The following LRRC9 variants were observed in gnomAD, a reference collection of about 807,000 sequenced individuals.
The protein encoded by LRRC9 is leucine rich repeat containing 9, also known as leucine-rich repeat-containing protein 9.
In LRRC9, 122 loss-of-function variants were observed where a neutral mutation model predicts 63.2. That is an observed-to-expected ratio of 1.93 (90% CI 1.67 to 2.24). LRRC9 has a LOEUF of 2.24. Ranked by LOEUF, LRRC9 falls within the 30% of genes most tolerant of loss-of-function variation. The pLI, the probability that LRRC9 is intolerant of heterozygous loss-of-function variation, is 0.00. For synonymous variants in LRRC9, 366 were observed against 213.1 expected (o/e 1.72, Z -6.25); for missense variants, 1,071 against 627.7 (o/e 1.71, Z -7.55).
At chr14:60,054,778 T>C in intron 30 of LRRC9, among the ~76,000 whole-genome samples, 1 of 152,200 alleles carries the variant, frequency 6.6e-6, no homozygotes, top group East Asian at 1.9e-4. Flanking sequence ...TTTTTTTTTT[T>C]TTAGACGAAG....
At chr14:59,981,440 T>G (rs1295690997) in intron 15 of LRRC9, among the ~76,000 whole-genome samples, 2 of 152,208 alleles carry the variant, frequency 1.3e-5, no homozygotes, top group African/African-American at 4.8e-5. Flanking sequence ...TTAAGGTAAC[T>G]AATTGCTCTT....
downstream of LRRC9, among the ~76,000 whole-genome samples, chr14:60,065,330 C>A (rs1894858546): frequency 1.3e-5 from 2 of 151,368 alleles, no homozygotes; most frequent in Non-Finnish European, 2.9e-5. Flanking sequence ...ATTTTTTTTT[C>A]ATCTAAATTT....
chr14:60,060,545 C>G lies in LRRC9; in HGVS notation c.4276+2523C>G, dbSNP rs1254767943. Among the ~76,000 whole-genome samples the G allele has an allele frequency of 6.6e-6, 1 of 152,104 alleles. No individual in the cohort carries two copies. Among genetic ancestry groups the G allele is most frequent in the Non-Finnish European group, 1.5e-5 (1 of 68,030 alleles). ...CACGAGGTCAGGAGATCGAGACCAT[C>G]CTGGCTAACACGGTGAAACCCCGTC... is the stretch of plus-strand genomic sequence containing the variant. On this transcript the variant is annotated intron_variant, in intron 31 of 31. Transcript: ENST00000445360. The surrounding 1 kb of genome is among the most constrained non-coding windows in gnomAD (Gnocchi z 4.0).
intron 12 of LRRC9, among the ~76,000 whole-genome samples, chr14:59,969,968 T>G (rs1040586188): frequency 2.0e-5 from 3 of 152,184 alleles, no homozygotes; most frequent in Non-Finnish European, 4.4e-5. Flanking sequence ...AAAACCAGCC[T>G]TTTAAAACTG....
chr14:59,997,220 A>G (rs1888891692), intron 17 of LRRC9, among the ~76,000 whole-genome samples: 3 of 152,224 alleles, frequency 2.0e-5, no homozygotes, highest in African/African-American at 7.2e-5. Context: ...ATTTAAAAGT[A>G]TGCACTTTTT....
At chr14:59,946,624 T>C (rs1436767146) in intron 8 of LRRC9, among the ~76,000 whole-genome samples, 2 of 147,062 alleles carry the variant, frequency 1.4e-5, no homozygotes, top group South Asian at 2.2e-4. Context: ...TCATCTAGCA[T>C]TAGGTATATC....
intron 23 of LRRC9, among the ~76,000 whole-genome samples, chr14:60,010,722 C>A (rs1049785982): frequency 1.3e-5 from 2 of 152,066 alleles, no homozygotes; most frequent in Non-Finnish European, 2.9e-5. Flanking sequence ...AATTTTTCAC[C>A]AGATACCCTA....
chr14:60,015,351 T>G (rs2140265020), intron 23 of LRRC9, among the ~76,000 whole-genome samples: 2 of 152,316 alleles, frequency 1.3e-5, no homozygotes, highest in East Asian at 3.9e-4. Context: ...ATAACATACT[T>G]TTTATTTTAT....
chr14:59,951,845 C>T (rs2139910604), intron 8 of LRRC9, among the ~76,000 whole-genome samples: 1 of 152,296 alleles, frequency 6.6e-6, no homozygotes, highest in African/African-American at 2.4e-5. Flanking sequence ...CTTGAGGAGG[C>T]AGTCTGCCCG....
intron 17 of LRRC9, among the ~76,000 whole-genome samples, chr14:59,992,440 C>A (rs544337258): frequency 6.6e-6 from 1 of 152,102 alleles, no homozygotes; most frequent in Non-Finnish European, 1.5e-5. Context: ...TCCTCACCAG[C>A]GATGGAACAA....
At chr14:60,049,647 T>C (rs1438829902) in intron 29 of LRRC9, among the ~76,000 whole-genome samples, 1 of 152,232 alleles carries the variant, frequency 6.6e-6, no homozygotes, top group Admixed American at 6.5e-5. Context: ...CTTCCCTTTG[T>C]AGGTGACTTG....
Position 59,998,798 on chromosome 14 carries a change from T to A in LRRC9, c.2404-303T>A, listed in dbSNP as rs191518836. Among the ~76,000 whole-genome samples the A allele has an allele frequency of 2.8e-4, 42 of 152,212 alleles. No individual in the cohort carries two copies. The East Asian group carries it at 7.9e-3, about 29-fold the overall frequency. ...TCACACATGGAGATGACTAGCTTACTGCTGATCTAGATAAACAGGAGTCAC... is the reference window on the plus strand; with the variant it reads ...TCACACATGGAGATGACTAGCTTACAGCTGATCTAGATAAACAGGAGTCAC... On this transcript the variant is annotated intron_variant, in intron 18 of 31. Coordinates refer to ENST00000445360, the Ensembl canonical transcript of LRRC9.
chr14:59,953,228 C>T (rs940910126), intron 8 of LRRC9, among the ~76,000 whole-genome samples: 1 of 152,318 alleles, frequency 6.6e-6, no homozygotes, highest in African/African-American at 2.4e-5. Flanking sequence ...TTTGAGGAAA[C>T]GTCACACTGT....
At chr14:59,926,232 T>C (rs541043027) in intron 1 of LRRC9, among the ~76,000 whole-genome samples, 2 of 152,352 alleles carry the variant, frequency 1.3e-5, no homozygotes, top group East Asian at 3.9e-4. Flanking sequence ...TAAAGACTTC[T>C]CTCAATATTT....
intron 15 of LRRC9, among the ~76,000 whole-genome samples, chr14:59,981,234 T>C (rs780867516): frequency 1.8e-4 from 27 of 152,194 alleles, no homozygotes; most frequent in Admixed American, 3.9e-4. Flanking sequence ...TAATTGTTTT[T>C]ATTTTAGCTT....
chr14:59,923,341 T>A lies in LRRC9; in HGVS notation c.-34+3458T>A, dbSNP rs920513546. Among the ~76,000 whole-genome samples the A allele has an allele frequency of 2.2e-4, 33 of 152,196 alleles. No individual in the cohort carries two copies. The highest frequency in any genetic ancestry group is 7.7e-4 in the African/African-American group (32 of 41,452). On this transcript the variant is annotated intron_variant, in intron 1 of 31. Transcript: ENST00000445360. The surrounding 1 kb of genome is among the most constrained non-coding windows in gnomAD (Gnocchi z 4.2). ...AGTGCATTGATGAAGAGAAAATAAGTTGAAGTGAGAGGTAAGATTTGTATC... is the reference window on the plus strand; with the variant it reads ...AGTGCATTGATGAAGAGAAAATAAGATGAAGTGAGAGGTAAGATTTGTATC...
At position 60,017,169 on chromosome 14, in the gene LRRC9, C is replaced by T. The variant is rs1370707759; in HGVS notation, c.3317+379C>T. 3.3e-5 allele frequency among the ~76,000 whole-genome samples: 5 copies of T among 152,036 alleles called. No homozygotes were observed. The highest frequency in any genetic ancestry group is 2.0e-4 in the Admixed American group (3 of 15,234). On this transcript the variant is annotated intron_variant, in intron 24 of 31. Coordinates refer to ENST00000445360, the Ensembl canonical transcript of LRRC9. This position sits in a 1 kb window ranked among gnomAD's most constrained non-coding sequence, Gnocchi z 4.0. ...AAGTGTTGGGATTTCAGGTGTGAGC[C>T]ACTGTGCCCAGCCTAAAATTAAAAA...
Position 60,053,383 on chromosome 14 carries a change from T to TCACA in LRRC9, c.4131+213_4131+216dup, listed in dbSNP as rs140525122. Reference sequence around the variant, plus strand: ...GATTTGGTGAATAGAGCATGCGTGCTCACACACACACACACACACACACAC... The same window carrying TCACA: ...GATTTGGTGAATAGAGCATGCGTGCTCACACACACACACACACACACACACACAC... On this transcript the variant is annotated intron_variant, in intron 30 of 31. Transcript: ENST00000445360. The surrounding 1 kb of genome is among the most constrained non-coding windows in gnomAD (Gnocchi z 4.8). Among the ~76,000 whole-genome samples, 13,619 of 85,534 alleles carry TCACA rather than the reference T, an allele frequency of 0.16. 711 individuals are homozygous for TCACA. Among genetic ancestry groups the TCACA allele is most frequent in the South Asian group, 0.25 (739 of 3,016 alleles). 56.1% of individuals were successfully genotyped at this position (85,534 alleles called of 152,430 possible).
At chr14:59,999,922 C>A (rs1043807362) in intron 19 of LRRC9, among the ~76,000 whole-genome samples, 2 of 152,092 alleles carry the variant, frequency 1.3e-5, no homozygotes, top group African/African-American at 4.8e-5. Context: ...TACCATTCCA[C>A]TCAGCAATCC....
Sources: gnomAD v4.1 joint callset for allele counts (sites outside exome capture counted in the v4.1 genomes callset) on GRCh38, gnomAD v4.1.1 for gene constraint, Gnocchi (gnomAD v3.1) non-coding constraint, MANE v1.5 for transcripts, NCBI Gene and HGNC (gene_info 2026-07-23, HGNC 2026-07-21) for gene names.